ICA1: variants seen among roughly 807,000 people sequenced by gnomAD.
ICA1 encodes the protein islet cell autoantigen 1.
Under a neutral mutation model 71.0 loss-of-function variants are expected in ICA1, and 40 were observed. The ratio of observed to expected loss-of-function variants is 0.56; its 90% CI spans 0.44 to 0.73. The LOEUF (loss-of-function observed/expected upper bound fraction) is 0.73, where lower values mean the gene tolerates loss of function less well. ICA1 is among the 30% of genes least tolerant of loss of function. ICA1 has a pLI of 0.00. For synonymous variants in ICA1, 207 were observed against 209.5 expected (o/e 0.99, Z 0.10); for missense variants, 578 against 576.5 (o/e 1.00, Z -0.03).
chr7:8,146,253 T>G (rs1298066657), intron 8 of ICA1, among the ~76,000 whole-genome samples: 2 of 152,116 alleles, frequency 1.3e-5, no homozygotes, highest in Non-Finnish European at 2.9e-5. Context: ...ATGTCCTCTT[T>G]TGGAAGTGAC....
chr7:8,225,525 T>C (rs562174001), intron 4 of ICA1, among the ~76,000 whole-genome samples: 1 of 152,296 alleles, frequency 6.6e-6, no homozygotes, highest in Admixed American at 6.5e-5. Context: ...CCAAGGAGCA[T>C]TTCTTTTACT....
At chr7:8,212,465 T>C (rs1219992215) in intron 6 of ICA1, among the ~76,000 whole-genome samples, 1 of 143,262 alleles carries the variant, frequency 7.0e-6, no homozygotes, top group Non-Finnish European at 1.5e-5. Flanking sequence ...CTCAGGAAGC[T>C]GGGGCACAAG....
chr7:8,162,592 A>G lies in ICA1; in HGVS notation c.580-3940T>C, dbSNP rs116616480. 7.4e-3 allele frequency among the ~76,000 whole-genome samples: 1,123 copies of G among 152,180 alleles called. 13 individuals carry two copies. Among genetic ancestry groups the G allele is most frequent in the South Asian group, 0.038 (181 of 4,824 alleles). Reference sequence around the variant, plus strand: ...TTAAGTGACAAACGTCTTGATTATTATTCCTCTCAACCCTAGATAAGTTAT... The same window carrying G: ...TTAAGTGACAAACGTCTTGATTATTGTTCCTCTCAACCCTAGATAAGTTAT... On this transcript the variant is annotated intron_variant, in intron 6 of 13. Transcript: ENST00000402384.
intron 6 of ICA1, among the ~76,000 whole-genome samples, chr7:8,189,743 C>G (rs1051309469): frequency 4.0e-5 from 6 of 151,666 alleles, no homozygotes; most frequent in African/African-American, 1.2e-4. Flanking sequence ...GTAGGCAGCG[C>G]TCCCTTGAGC....
At chr7:8,129,367 C>CTTT (rs142605142) in intron 12 of ICA1, among the ~76,000 whole-genome samples, 14 of 135,290 alleles carry the variant, frequency 1.0e-4, no homozygotes, top group African/African-American at 2.7e-4. Context: ...TAAGTAAAGG[C>CTTT]TTTTTTTTTA....
chr7:8,201,518 C>G (rs572211416), intron 6 of ICA1, among the ~76,000 whole-genome samples: 1 of 152,228 alleles, frequency 6.6e-6, no homozygotes, highest in East Asian at 1.9e-4. Context: ...AAACCAAAGG[C>G]AGAAGATGAG....
chr7:8,115,382 C>T (rs1393076414), intron 13 of ICA1, among the ~76,000 whole-genome samples: 1 of 152,112 alleles, frequency 6.6e-6, no homozygotes, highest in Non-Finnish European at 1.5e-5. Context: ...TAAAAAAAGG[C>T]AATACTGATT....
chr7:8,117,569 C>T (rs1338592114), intron 13 of ICA1, among the ~76,000 whole-genome samples: 4 of 152,212 alleles, frequency 2.6e-5, no homozygotes, highest in African/African-American at 9.7e-5. Flanking sequence ...AAATACTTAA[C>T]ACAGCACAGG....
In ICA1 at chr7:8,234,009, G is replaced by A. The variant is rs752153341; in HGVS notation, c.18-1254C>T. On this transcript the variant is annotated intron_variant, in intron 2 of 13. Coordinates refer to ENST00000402384, the MANE Select transcript of ICA1 (RefSeq NM_001136020.3). The surrounding 1 kb of genome is among the most constrained non-coding windows in gnomAD (Gnocchi z 4.5). ...AGGCCCAGGCAGGAGGACTGCTTGA[G>A]GCCAGGAGTTTCAGATCAGCCTGGG... is the stretch of plus-strand genomic sequence containing the variant. 2.0e-4 allele frequency among the ~76,000 whole-genome samples: 30 copies of A among 152,250 alleles called. No homozygotes were observed. Among genetic ancestry groups the A allele is most frequent in the Non-Finnish European group, 3.7e-4 (25 of 68,026 alleles).
chr7:8,180,641 A>G (rs1408085234), intron 6 of ICA1, among the ~76,000 whole-genome samples: 1 of 151,944 alleles, frequency 6.6e-6, no homozygotes, highest in East Asian at 1.9e-4. Context: ...TCACATTCTC[A>G]TTCCTTTGAT....
At chr7:8,153,309 T>G (rs779511768) in intron 8 of ICA1, among the ~76,000 whole-genome samples, 6 of 152,204 alleles carry the variant, frequency 3.9e-5, no homozygotes, top group Non-Finnish European at 8.8e-5. Flanking sequence ...ACAGGCACTC[T>G]GATCTCCTTA....
intron 6 of ICA1, among the ~76,000 whole-genome samples, chr7:8,162,290 A>G (rs1373216752): frequency 1.3e-5 from 2 of 152,246 alleles, no homozygotes; most frequent in South Asian, 2.1e-4. Flanking sequence ...ACTTGACCCA[A>G]TGATTCTGAA....
intron 6 of ICA1, among the ~76,000 whole-genome samples, chr7:8,212,147 C>G (rs1227542872): frequency 1.3e-5 from 2 of 152,096 alleles, no homozygotes; most frequent in African/African-American, 4.8e-5. Context: ...GCAACAAGAG[C>G]AAGCAGACTC....
At chr7:8,221,464 A>G in intron 4 of ICA1, 66 bp from the exon 5 acceptor site, 1 of 1,570,202 alleles carries the variant, frequency 6.4e-7, no homozygotes, top group Non-Finnish European at 8.7e-7. Flanking sequence ...GGAACAAGAA[A>G]GACAAATCAC....
intron 12 of ICA1, among the ~76,000 whole-genome samples, chr7:8,131,595 G>C (rs1584339002): frequency 6.6e-6 from 1 of 152,240 alleles, no homozygotes; most frequent in Non-Finnish European, 1.5e-5. Context: ...TTACTACTTA[G>C]CTAAAAGCAA....
intron 1 of ICA1, among the ~76,000 whole-genome samples, chr7:8,246,315 C>T (rs1174847841): frequency 6.6e-6 from 1 of 152,178 alleles, no homozygotes; most frequent in Non-Finnish European, 1.5e-5. Flanking sequence ...AAGATCTGCT[C>T]AAAGAAGCAG....
At chr7:8,186,495 C>G (rs1459448907) in intron 6 of ICA1, among the ~76,000 whole-genome samples, 1 of 151,982 alleles carries the variant, frequency 6.6e-6, no homozygotes, top group African/African-American at 2.4e-5. Flanking sequence ...GAAGTGGCCA[C>G]AGTAGAGTGG....
At chr7:8,183,896 A>G (rs757198149) in intron 6 of ICA1, among the ~76,000 whole-genome samples, 1 of 152,186 alleles carries the variant, frequency 6.6e-6, no homozygotes, top group Non-Finnish European at 1.5e-5. Flanking sequence ...CGGAAAGTTG[A>G]GACTTGGGCA....
At chr7:8,262,297 T>C (rs1282520680), upstream of ICA1, 1 of 151,318 alleles carries the variant, frequency 6.6e-6, no homozygotes, top group Non-Finnish European at 1.5e-5. Context: ...GGCCGGGGGG[T>C]GCGGGCGCCC....
Sources: allele counts gnomAD v4.1 joint callset (sites outside exome capture counted in the v4.1 genomes callset), GRCh38; gene constraint gnomAD v4.1.1; non-coding constraint Gnocchi (gnomAD v3.1); transcripts MANE v1.5; gene names NCBI Gene and HGNC (gene_info 2026-07-23, HGNC 2026-07-21).